XRCC5: variants seen among roughly 807,000 people sequenced by gnomAD.
The protein encoded by XRCC5 is X-ray repair cross complementing 5.
A neutral mutation model predicts 95.7 loss-of-function variants in XRCC5; 12 were observed. That is an observed-to-expected ratio of 0.13 (90% confidence interval 0.08 to 0.20). The LOEUF is 0.20. Ranked by LOEUF, XRCC5 falls within the 10% of genes least tolerant of loss-of-function variation. XRCC5 has a pLI of 1.00. For synonymous variants in XRCC5, 281 were observed against 290.3 expected (o/e 0.97, Z 0.33); for missense variants, 595 against 873.9 (o/e 0.68, Z 4.02).
chr2:216,156,029 TAC>T (rs1259524786), intron 14 of XRCC5, among the ~76,000 whole-genome samples: 1 of 152,200 alleles, frequency 6.6e-6, no homozygotes, highest in Non-Finnish European at 1.5e-5. Flanking sequence ...GACACTAAGT[TAC>T]AATGATATAA....
chr2:216,131,318 A>C (rs1213918176), intron 9 of XRCC5: 1 of 960,128 alleles, frequency 1.0e-6, no homozygotes, highest in East Asian at 1.1e-4. Context: ...TATTATGGTG[A>C]AAGTGCTCAT....
At chr2:216,204,045 T>C in intron 19 of XRCC5, 1 of 439,088 alleles carries the variant, frequency 2.3e-6, no homozygotes, top group Admixed American at 3.4e-5. Flanking sequence ...TACAGGACAC[T>C]ACACACTGTC....
At chr2:216,189,854 G>A (rs1689581859) in intron 16 of XRCC5, among the ~76,000 whole-genome samples, 1 of 152,120 alleles carries the variant, frequency 6.6e-6, no homozygotes, top group Non-Finnish European at 1.5e-5. Flanking sequence ...AATACAATAG[G>A]AAAGGCAGTT....
At chr2:216,156,504 A>C (rs969306815) in intron 14 of XRCC5, 1 of 631,072 alleles carries the variant, frequency 1.6e-6, no homozygotes, top group African/African-American at 1.8e-5. Flanking sequence ...ATTCAATCAC[A>C]GCAAAACAAG....
intron 14 of XRCC5, among the ~76,000 whole-genome samples, chr2:216,155,350 A>G (rs1452626887): frequency 1.3e-5 from 2 of 152,200 alleles, no homozygotes; most frequent in Non-Finnish European, 1.5e-5. Flanking sequence ...AAAGATTATA[A>G]AAAAGCAAAT....
chr2:216,118,956 T>G (rs1696751679), intron 4 of XRCC5, 87 bp from the exon 5 acceptor site: 2 of 1,409,406 alleles, frequency 1.4e-6, no homozygotes, highest in East Asian at 2.3e-5. Context: ...ATTTCTAAGC[T>G]TCTCTCCTCA....
intron 10 of XRCC5, among the ~76,000 whole-genome samples, chr2:216,133,413 C>G (rs1298200935): frequency 1.3e-5 from 2 of 152,188 alleles, no homozygotes; most frequent in African/African-American, 4.8e-5. Context: ...TGGGCTCAAG[C>G]GATTCTCCTA....
At chr2:216,162,835 AGG>A (rs1688977821) in intron 16 of XRCC5, among the ~76,000 whole-genome samples, 1 of 152,162 alleles carries the variant, frequency 6.6e-6, no homozygotes, top group Non-Finnish European at 1.5e-5. Context: ...TTTCCTTATC[AGG>A]TAGTACCTAG....
intron 16 of XRCC5, among the ~76,000 whole-genome samples, chr2:216,165,613 G>T (rs1242784016): frequency 6.6e-6 from 1 of 152,130 alleles, no homozygotes; most frequent in Admixed American, 6.5e-5. Context: ...TTCTCTTGCA[G>T]GCCCAAAGAG....
rs1689929878 is a variant in XRCC5 at position 216,205,694 on chromosome 2, A to G, written c.*492A>G. The stretch of plus-strand genomic sequence containing the variant: ...CAGTAGCATTTGCTTCCTCCCAACA[A>G]GCAGCTGGGTTAGGAAAACCATGGG... On this transcript the variant is annotated 3_prime_UTR_variant, in exon 21 of 21. Transcript: ENST00000392132. 6.5e-6 allele frequency: 1 copy of G among 154,846 alleles called. No individual in the cohort carries two copies. The highest frequency in any genetic ancestry group is 1.4e-5 in the Non-Finnish European group (1 of 69,892). The allele number at this position is 154,846 out of a possible 1,614,324, so 9.6% of individuals were successfully genotyped here. A position where few individuals can be genotyped will look rare whatever the true frequency, so the allele number is the denominator to read the frequency against.
At chr2:216,125,389 G>T (rs532401972) in intron 6 of XRCC5, among the ~76,000 whole-genome samples, 5 of 152,126 alleles carry the variant, frequency 3.3e-5, no homozygotes, top group Admixed American at 2.6e-4. Flanking sequence ...TAGAGATGGG[G>T]TTTCTCCATG....
At chr2:216,125,305 C>T (rs1696884124) in intron 6 of XRCC5, among the ~76,000 whole-genome samples, 1 of 151,682 alleles carries the variant, frequency 6.6e-6, no homozygotes. Context: ...TCAAGTGATT[C>T]TCCTACCTCA....
chr2:216,137,716 TA>T (rs1242609102), intron 11 of XRCC5, among the ~76,000 whole-genome samples: 1 of 152,216 alleles, frequency 6.6e-6, no homozygotes, highest in Non-Finnish European at 1.5e-5. Flanking sequence ...AATACAGTTC[TA>T]AATTCCTTAT....
At chr2:216,129,417 A>G (rs1696946972) in intron 8 of XRCC5, among the ~76,000 whole-genome samples, 1 of 152,226 alleles carries the variant, frequency 6.6e-6, no homozygotes, top group Admixed American at 6.5e-5. Flanking sequence ...TATTGTAAGT[A>G]TACAATGTAC....
rs1688926196 is a variant in XRCC5 at position 216,160,216 on chromosome 2, G to A, written c.1764+55G>A. ...CCTTTGCAGGAAGGTTGGGGCTTGA[G>A]GGAGAGTGCATCAATTTTTGTTAGT... On this transcript the variant is annotated intron_variant, in intron 15 of 20. Coordinates refer to ENST00000392132, the MANE Select transcript of XRCC5 (RefSeq NM_021141.4). The A allele has an allele frequency of 1.1e-5, 14 of 1,225,816 alleles. No individual in the cohort carries two copies. The South Asian group carries it at 1.8e-4, about 16-fold the overall frequency. 75.9% of individuals were successfully genotyped at this position (1,225,816 alleles called of 1,614,324 possible). A position where few individuals can be genotyped will look rare whatever the true frequency, so the allele number is the denominator to read the frequency against.
At chr2:216,144,866 G>A (rs1574464715) in intron 13 of XRCC5, among the ~76,000 whole-genome samples, 3 of 152,312 alleles carry the variant, frequency 2.0e-5, no homozygotes, top group South Asian at 2.1e-4. Context: ...ACTGCAACAC[G>A]TGAGTGAACA....
intron 1 of XRCC5, among the ~76,000 whole-genome samples, chr2:216,111,748 ATCAG>A (rs979812427): frequency 1.3e-5 from 2 of 152,188 alleles, no homozygotes; most frequent in Non-Finnish European, 2.9e-5. Context: ...CTGCGAGACT[ATCAG>A]TCAGAGTCAA....
intron 1 of XRCC5, chr2:216,110,445 T>A (rs1181440844): frequency 6.6e-6 from 1 of 152,182 alleles, no homozygotes; most frequent in African/African-American, 2.4e-5. Context: ...GCCACTCACC[T>A]CCTTTTTTCG....
intron 14 of XRCC5, among the ~76,000 whole-genome samples, chr2:216,152,604 C>T (rs1461347008): frequency 1.3e-5 from 2 of 151,568 alleles, no homozygotes; most frequent in African/African-American, 4.8e-5. Flanking sequence ...TTCATCCTGC[C>T]TAAAGTGAAT....
Sources: gnomAD v4.1 joint callset for allele counts (sites outside exome capture counted in the v4.1 genomes callset) on GRCh38, gnomAD v4.1.1 for gene constraint, MANE v1.5 for transcripts, NCBI Gene and HGNC (gene_info 2026-07-23, HGNC 2026-07-21) for gene names.